NEK4: variants seen among roughly 807,000 people sequenced by gnomAD.
NEK4 encodes serine/threonine-protein kinase Nek4.
A neutral mutation model predicts 98.4 loss-of-function variants in NEK4; 86 were observed. That is an observed-to-expected ratio of 0.87 (90% CI 0.73 to 1.05). The LOEUF is 1.05. NEK4 is among the 50% of genes least tolerant of loss of function. NEK4 has a pLI of 0.00. For missense variants in NEK4, 898 were observed against 950.3 expected (o/e 0.94, Z 0.72); for synonymous variants, 328 against 342.2 (o/e 0.96, Z 0.46).
chr3:52,762,805 C>T (rs767731927), intron 5 of NEK4, among the ~76,000 whole-genome samples: 4 of 151,856 alleles, frequency 2.6e-5, no homozygotes, highest in African/African-American at 4.8e-5. Context: ...TGCTTGAACC[C>T]GGGAGGCGGA....
At chr3:52,717,584 G>A (rs917975256) in intron 15 of NEK4, among the ~76,000 whole-genome samples, 5 of 151,856 alleles carry the variant, frequency 3.3e-5, no homozygotes, top group Admixed American at 6.6e-5. Flanking sequence ...GGTATCACTC[G>A]GAAGAGTGCC....
intron 10 of NEK4, 94 bp from the exon 11 acceptor site, chr3:52,744,399 G>A (rs1578662144): frequency 9.9e-7 from 1 of 1,007,314 alleles, no homozygotes; most frequent in South Asian, 1.3e-5. Context: ...TAAGAAAAAG[G>A]TCTGAGCTGG....
chr3:52,748,956 G>A (rs545167274), intron 8 of NEK4, among the ~76,000 whole-genome samples: 8 of 152,066 alleles, frequency 5.3e-5, no homozygotes, highest in East Asian at 3.9e-4. Context: ...GCGTGCTGGC[G>A]TATGCCTGTA....
chr3:52,718,085 C>T (rs578258350), intron 15 of NEK4, among the ~76,000 whole-genome samples: 1 of 152,224 alleles, frequency 6.6e-6, no homozygotes, highest in African/African-American at 2.4e-5. Context: ...TGAGCTACTG[C>T]ACCTGGCCTC....
At chr3:52,726,814 G>A (rs887032007) in intron 15 of NEK4, among the ~76,000 whole-genome samples, 3 of 151,878 alleles carry the variant, frequency 2.0e-5, no homozygotes, top group Admixed American at 1.3e-4. Context: ...CTGAGGCAGA[G>A]AACTGCTTGT....
At chr3:52,722,839 T>C (rs1238598812) in intron 15 of NEK4, among the ~76,000 whole-genome samples, 1 of 152,136 alleles carries the variant, frequency 6.6e-6, no homozygotes, top group Non-Finnish European at 1.5e-5. Context: ...CAGGCTGCAG[T>C]GAGCCATGAC....
chr3:52,765,382 A>G (rs968170535), intron 4 of NEK4, among the ~76,000 whole-genome samples: 2 of 151,970 alleles, frequency 1.3e-5, no homozygotes, highest in Non-Finnish European at 1.5e-5. Flanking sequence ...AAAAACCTTA[A>G]TGATACATGG....
intron 6 of NEK4, among the ~76,000 whole-genome samples, chr3:52,756,528 T>C (rs565701085): frequency 2.0e-5 from 3 of 152,206 alleles, no homozygotes; most frequent in Non-Finnish European, 4.4e-5. Flanking sequence ...CAACAAATAG[T>C]GCTGAAAAAG....
rs972190450 is a variant in NEK4, at chr3:52,709,150, C to G, written c.*2627G>C. 6.6e-6 allele frequency: 1 copy of G among 150,416 alleles called. No individual in the cohort carries two copies. The highest frequency in any genetic ancestry group is 1.5e-5 in the Non-Finnish European group (1 of 67,864). 9.3% of individuals were successfully genotyped at this position (150,416 alleles called of 1,614,324 possible). On this transcript the variant is annotated 3_prime_UTR_variant, in exon 16 of 16. Transcript: ENST00000233027. Reference sequence around the variant, plus strand: ...AGTGAGCCAAGATCGCACCACTGTACTCCAGCCTGGGCAACAAGAAGACTC... The same window carrying G: ...AGTGAGCCAAGATCGCACCACTGTAGTCCAGCCTGGGCAACAAGAAGACTC...
At chr3:52,739,359 A>C (rs1203659949) in intron 14 of NEK4, 70 bp downstream of exon 14, 1 of 1,303,984 alleles carries the variant, frequency 7.7e-7, no homozygotes, top group Non-Finnish European at 1.1e-6. Context: ...AGATCACACT[A>C]CTGCACTCCA....
intron 1 of NEK4, among the ~76,000 whole-genome samples, chr3:52,769,996 G>GCAAA (rs749751685): frequency 5.3e-5 from 8 of 152,194 alleles, no homozygotes; most frequent in Admixed American, 1.3e-4. Flanking sequence ...AGAGACAACA[G>GCAAA]GGTGTCCTGG....
rs1232601025 is a variant in NEK4, at chr3:52,744,416, T to C, written c.1828-111A>G. 4.7e-6 allele frequency: 4 copies of C among 859,212 alleles called. 1 individual carries two copies. The highest frequency in any genetic ancestry group is 1.8e-5 in the Admixed American group (1 of 56,818). The allele number at this position is 859,212 out of a possible 1,614,324, so 53.2% of individuals were successfully genotyped here. A position where few individuals can be genotyped will look rare whatever the true frequency, so the allele number is the denominator to read the frequency against. On this transcript the variant is annotated intron_variant, in intron 10 of 15. Transcript: ENST00000233027. ...AGAAAAAGGTCTGAGCTGGATGCGG[T>C]GGCTCACACTTGTAATCCCAGCACT... is the stretch of plus-strand genomic sequence containing the variant.
At chr3:52,762,204 CA>C (rs1698383169) in intron 5 of NEK4, among the ~76,000 whole-genome samples, 2 of 152,156 alleles carry the variant, frequency 1.3e-5, no homozygotes, top group Admixed American at 1.3e-4. Flanking sequence ...CAAGCCAAAG[CA>C]AGGAATTCTC....
At chr3:52,746,932 A>G in intron 8 of NEK4, 28 bp from the exon 9 acceptor site, 1 of 1,552,880 alleles carries the variant, frequency 6.4e-7, no homozygotes, top group Non-Finnish European at 8.9e-7. Flanking sequence ...GACATTTTAA[A>G]GTATAGCAGC....
chr3:52,737,436 G>T, intron 15 of NEK4, 150 bp downstream of exon 15: 1 of 720,134 alleles, frequency 1.4e-6, no homozygotes, highest in South Asian at 2.2e-5. Context: ...TATCGATTGT[G>T]GTAATGACTG....
chr3:52,733,835 G>T, intron 15 of NEK4: 1 of 366,278 alleles, frequency 2.7e-6, no homozygotes, highest in Admixed American at 3.3e-5. Flanking sequence ...GATTCATACT[G>T]AAGAGAATTC....
intron 4 of NEK4, among the ~76,000 whole-genome samples, chr3:52,764,485 G>T (rs1251700329): frequency 6.6e-6 from 1 of 151,596 alleles, no homozygotes; most frequent in Non-Finnish European, 1.5e-5. Flanking sequence ...CAAAAAAGTG[G>T]ACGGGCGTGG....
intron 4 of NEK4, among the ~76,000 whole-genome samples, chr3:52,764,285 CAAAAAAAAA>C (rs558340378): frequency 1.2e-5 from 1 of 85,192 alleles, no homozygotes; most frequent in African/African-American, 3.8e-5. Flanking sequence ...GACTCTGTCT[CAAAAAAAAA>C]AAAAAAGAAA....
chr3:52,764,764 A>G (rs111809851), intron 4 of NEK4, among the ~76,000 whole-genome samples: 1,271 of 112,568 alleles, frequency 0.011, 29 homozygotes, highest in African/African-American at 0.049. Flanking sequence ...GTGCGCATGC[A>G]CACACACACA....
Sources: allele counts gnomAD v4.1 joint callset (sites outside exome capture counted in the v4.1 genomes callset), GRCh38; gene constraint gnomAD v4.1.1; transcripts MANE v1.5; gene names NCBI Gene and HGNC (gene_info 2026-07-23, HGNC 2026-07-21).